ZNF536: variants seen among roughly 807,000 people sequenced by gnomAD.
ZNF536 encodes zinc finger protein 536.
Under a neutral mutation model 84.5 loss-of-function variants are expected in ZNF536, and 13 were observed. The ratio of observed to expected loss-of-function variants is 0.15; its 90% CI spans 0.10 to 0.24. The LOEUF is 0.24. Ranked by LOEUF, ZNF536 falls within the 10% of genes least tolerant of loss-of-function variation. The pLI, the probability that ZNF536 is intolerant of heterozygous loss-of-function variation, is 1.00. For synonymous variants in ZNF536, 811 were observed against 742.5 expected (o/e 1.09, Z -1.50); for missense variants, 1,536 against 1,747.5 (o/e 0.88, Z 2.16).
chr19:30,273,264 T>C (rs2025954260), intron 1 of ZNF536, among the ~76,000 whole-genome samples: 1 of 152,140 alleles, frequency 6.6e-6, no homozygotes, highest in South Asian at 2.1e-4. Flanking sequence ...TGTATAAATA[T>C]CAAGGAGCAT....
chr19:30,654,832 C>T (rs982983872), intron 1 of ZNF536, among the ~76,000 whole-genome samples: 2 of 151,722 alleles, frequency 1.3e-5, no homozygotes, highest in African/African-American at 2.4e-5. Flanking sequence ...GCCACCCACC[C>T]CCCACACACC....
At chr19:30,458,307 C>T (rs974248264) in intron 2 of ZNF536, among the ~76,000 whole-genome samples, 10 of 152,170 alleles carry the variant, frequency 6.6e-5, no homozygotes, top group Non-Finnish European at 1.0e-4. Flanking sequence ...CTTCATCTTT[C>T]AATGTTTCCC....
intron 2 of ZNF536, among the ~76,000 whole-genome samples, chr19:30,477,574 T>C (rs911416737): frequency 1.3e-5 from 2 of 152,200 alleles, no homozygotes; most frequent in Non-Finnish European, 2.9e-5. Context: ...ATTCCAGCAG[T>C]GGTTGGTTCC....
intron 1 of ZNF536, among the ~76,000 whole-genome samples, chr19:30,252,658 TTAC>T (rs1568530660): frequency 6.6e-6 from 1 of 152,218 alleles, no homozygotes; most frequent in African/African-American, 2.4e-5. Context: ...CAGCATAAAG[TTAC>T]CCCCTAAAAT....
At chr19:30,456,570 T>C (rs2052856409) in intron 2 of ZNF536, among the ~76,000 whole-genome samples, 1 of 152,228 alleles carries the variant, frequency 6.6e-6, no homozygotes, top group Non-Finnish European at 1.5e-5. Context: ...TACTGAAGCC[T>C]GTCTCCCTGA....
intron 2 of ZNF536, among the ~76,000 whole-genome samples, chr19:30,485,731 G>C: frequency 6.6e-6 from 1 of 152,002 alleles, no homozygotes; most frequent in East Asian, 1.9e-4. Flanking sequence ...TTGTTATAAG[G>C]ATTAATTACT....
At chr19:30,660,911 A>G (rs949883164) in intron 1 of ZNF536, among the ~76,000 whole-genome samples, 2 of 152,212 alleles carry the variant, frequency 1.3e-5, no homozygotes, top group African/African-American at 2.4e-5. Flanking sequence ...TGCCTCATAC[A>G]TGCTCCGCAG....
chr19:30,709,565 T>C (rs1053774894), intron 1 of ZNF536, among the ~76,000 whole-genome samples: 3 of 152,192 alleles, frequency 2.0e-5, no homozygotes, highest in African/African-American at 7.2e-5. Flanking sequence ...TTGTGCAGAA[T>C]TGGGGTCAGC....
intron 1 of ZNF536, among the ~76,000 whole-genome samples, chr19:30,691,657 T>C (rs2147911180): frequency 6.6e-6 from 1 of 152,272 alleles, no homozygotes; most frequent in South Asian, 2.1e-4. Context: ...GTGAAGTCTT[T>C]GTCTCCTTGC....
At chr19:30,575,551 A>G (rs374598696) in intron 1 of ZNF536, among the ~76,000 whole-genome samples, 1 of 152,328 alleles carries the variant, frequency 6.6e-6, no homozygotes, top group African/African-American at 2.4e-5. Context: ...TGTGCACCAG[A>G]TCCTTTCCTA....
chr19:30,712,350 A>G (rs1010432926), exon 2 of ZNF536: 31 of 152,034 alleles, frequency 2.0e-4, no homozygotes, highest in Admixed American at 3.3e-4. Flanking sequence ...TTTGAGTGAC[A>G]TGAAATTGGT....
chr19:30,245,091 T>A (rs2024176556), intron 1 of ZNF536, among the ~76,000 whole-genome samples: 1 of 152,116 alleles, frequency 6.6e-6, no homozygotes, highest in Non-Finnish European at 1.5e-5. Flanking sequence ...TCCTTTCAGG[T>A]CCTCGGACAC....
intron 2 of ZNF536, among the ~76,000 whole-genome samples, chr19:30,508,844 T>G (rs899730119): frequency 1.4e-5 from 2 of 144,100 alleles, no homozygotes; most frequent in African/African-American, 5.2e-5. Flanking sequence ...TTTTTTTTTT[T>G]TGCGTCAGGG....
rs761507089 is a variant in ZNF536, at chr19:30,548,301, C to T, written c.2682C>T (p.Ser894=). The part of the protein sequence containing the change: ...ALKGTDLPSK[S]THFSEIGRAY... ...AAGGCACTGACCTTCCTTCCAAAAGCACCCACTTCTCTGAGATCGGAAGAG... is the reference window on the plus strand; with the variant it reads ...AAGGCACTGACCTTCCTTCCAAAAGTACCCACTTCTCTGAGATCGGAAGAG... The change falls in exon 4 of 5, where the codon AGC becomes AGT. Residue 894 remains serine, a synonymous_variant. Coordinates refer to ENST00000355537, the MANE Select transcript of ZNF536 (RefSeq NM_014717.3). The T allele has an allele frequency of 1.2e-6, 2 of 1,614,252 alleles. No homozygotes were observed. The highest frequency in any genetic ancestry group is 2.2e-5 in the East Asian group (1 of 44,874).
rs1207218564 is a variant in ZNF536 at position 30,483,049 on chromosome 19, A to G, written c.2170+37317A>G. Among the ~76,000 whole-genome samples the G allele has an allele frequency of 2.6e-5, 4 of 152,104 alleles. No individual in the cohort carries two copies. In the East Asian group the frequency reaches 7.7e-4, roughly 29 times the overall value. ...GAAGTCCTGGGGACAGGGGTGCCCC[A>G]TGTTCTGACTCCCATCCTCCAGGCT... On this transcript the variant is annotated intron_variant, in intron 2 of 4. Coordinates refer to ENST00000355537, the MANE Select transcript of ZNF536 (RefSeq NM_014717.3).
intron 2 of ZNF536, among the ~76,000 whole-genome samples, chr19:30,284,669 A>T (rs1487260740): frequency 6.6e-6 from 1 of 152,138 alleles, no homozygotes; most frequent in Non-Finnish European, 1.5e-5. Flanking sequence ...TAAAATACAA[A>T]ACAAAGGGTG....
chr19:30,339,853 G>A (rs1314725653), intron 2 of ZNF536, among the ~76,000 whole-genome samples: 2 of 152,146 alleles, frequency 1.3e-5, no homozygotes, highest in African/African-American at 4.8e-5. Context: ...CTGGAAGCAG[G>A]GTGGGCTCCT....
chr19:30,290,938 T>A (rs1300639030), intron 2 of ZNF536, among the ~76,000 whole-genome samples: 1 of 152,144 alleles, frequency 6.6e-6, no homozygotes, highest in Non-Finnish European at 1.5e-5. Context: ...GAACATGTGG[T>A]GTTTGGTTTT....
chr19:30,598,965 T>TTTCCTCCTTCCC (rs1568589230), intron 1 of ZNF536, among the ~76,000 whole-genome samples: 3 of 42,236 alleles, frequency 7.1e-5, no homozygotes, highest in African/African-American at 1.2e-4. Context: ...TCCTTCCTCC[T>TTTCCTCCTTCCC]TCCCTCCTTC....
Sources: gnomAD v4.1 joint callset for allele counts (sites outside exome capture counted in the v4.1 genomes callset) on GRCh38, gnomAD v4.1.1 for gene constraint, MANE v1.5 for transcripts, NCBI Gene and HGNC (gene_info 2026-07-23, HGNC 2026-07-21) for gene names.